The following TMEM74B variants were observed in gnomAD, a reference collection of about 807,000 sequenced individuals.
TMEM74B encodes transmembrane protein 74B, also known as transmembrane protein C20orf46.
Under a neutral mutation model 6.5 loss-of-function variants are expected in TMEM74B, and 7 were observed. The observed-to-expected ratio is 1.07, with a 90% CI of 0.61 to 2.01. TMEM74B has a LOEUF of 2.01. Among genes scored for constraint, TMEM74B ranks in the 30% most tolerant of loss-of-function variants. The probability of loss-of-function intolerance (pLI) is 0.00; values close to 1 mark genes in which losing one functional copy is unlikely to be tolerated. For missense variants in TMEM74B, 342 were observed against 337.0 expected (o/e 1.01, Z -0.12); for synonymous variants, 151 against 151.6 (o/e 1.00, Z 0.03).
In TMEM74B at chr20:1,184,100, C is replaced by T; in HGVS notation, c.-147-152G>A. ...CAGAAGTGGCCCCCACCCACACCCT[C>T]AGCACCTTCCACCCAACTCAGCTCC... On this transcript the variant is annotated intron_variant, in intron 1 of 2. Transcript: ENST00000429036. This position sits in a 1 kb window ranked among gnomAD's most constrained non-coding sequence, Gnocchi z 6.0. The T allele has an allele frequency of 2.8e-6, 1 of 353,688 alleles. No homozygotes were observed. The highest frequency in any genetic ancestry group is 6.0e-5 in the East Asian group (1 of 16,538). The allele number at this position is 353,688 out of a possible 1,614,324, so 21.9% of individuals were successfully genotyped here.
intron 2 of TMEM74B, among the ~76,000 whole-genome samples, chr20:1,183,508 T>C (rs948905033): frequency 5.3e-5 from 8 of 152,166 alleles, no homozygotes; most frequent in Non-Finnish European, 1.0e-4. Flanking sequence ...TACAAAGCTC[T>C]TTTCCCTTTA....
Position 1,184,916 on chromosome 20 carries a change from G to C in TMEM74B, c.-762C>G, listed in dbSNP as rs984359935. ...AGCACGCCGGCTGCCCACCGCGCCC[G>C]CTCCCGCCGGCCCAGTCCACACCCC... On this transcript the variant is annotated 5_prime_UTR_variant, in exon 1 of 3. Coordinates refer to ENST00000429036, the MANE Select transcript of TMEM74B (RefSeq NM_001304748.2). The surrounding 1 kb of genome is among the most constrained non-coding windows in gnomAD (Gnocchi z 6.0). 5.3e-5 allele frequency among the ~76,000 whole-genome samples: 8 copies of C among 152,268 alleles called. No homozygotes were observed. The highest frequency in any genetic ancestry group is 2.0e-4 in the Admixed American group (3 of 15,300).
rs1334551472 is a variant in TMEM74B, at chr20:1,184,651, CACACA to C, written c.-502_-498del. 1.4e-5 allele frequency: 2 copies of C among 146,428 alleles called. No individual in the cohort carries two copies. Among genetic ancestry groups the C allele is most frequent in the East Asian group, 2.0e-4 (1 of 4,934 alleles). 9.1% of individuals were successfully genotyped at this position (146,428 alleles called of 1,614,324 possible). ...ACACACACACACACACACACACACA[CACACA>C]AAGTGCCCCTGGGAGTGAGACCCAA... On this transcript the variant is annotated 5_prime_UTR_variant, in exon 1 of 3. Coordinates refer to ENST00000429036, the MANE Select transcript of TMEM74B (RefSeq NM_001304748.2). This position sits in a 1 kb window ranked among gnomAD's most constrained non-coding sequence, Gnocchi z 6.0.
upstream of TMEM74B, among the ~76,000 whole-genome samples, chr20:1,188,776 AC>A (rs2087047536): frequency 1.3e-5 from 2 of 152,356 alleles, no homozygotes; most frequent in Admixed American, 1.3e-4. Context: ...TTGGACTGTA[AC>A]AAAAAGTATG....
chr20:1,187,315 G>GT (rs1212096481), upstream of TMEM74B, among the ~76,000 whole-genome samples: 2 of 152,126 alleles, frequency 1.3e-5, no homozygotes, highest in African/African-American at 2.4e-5. Flanking sequence ...AAAGAAGAGG[G>GT]TTTTTGCCTG....
At chr20:1,188,724 C>G (rs115571375), upstream of TMEM74B, among the ~76,000 whole-genome samples, 1,247 of 151,972 alleles carry the variant, frequency 8.2e-3, 13 homozygotes, top group African/African-American at 0.028. Context: ...TCCCAATGGC[C>G]AAAGCTGGAA....
At chr20:1,182,760 C>T (rs916014510) in intron 2 of TMEM74B, among the ~76,000 whole-genome samples, 5 of 152,280 alleles carry the variant, frequency 3.3e-5, no homozygotes, top group Admixed American at 1.3e-4. Flanking sequence ...TGTGCATTCC[C>T]GCTGAAGGAT....
Position 1,184,087 on chromosome 20 carries a change from C to A in TMEM74B, c.-147-139G>T, listed in dbSNP as rs916235811. ...CCACATGGGTGCTCAGAAGTGGCCCCCACCCACACCCTCAGCACCTTCCAC... is the reference window on the plus strand; with the variant it reads ...CCACATGGGTGCTCAGAAGTGGCCCACACCCACACCCTCAGCACCTTCCAC... On this transcript the variant is annotated intron_variant, in intron 1 of 2. Transcript: ENST00000429036. The surrounding 1 kb of genome is among the most constrained non-coding windows in gnomAD (Gnocchi z 6.0). 3 of 396,728 alleles carry A rather than the reference C, an allele frequency of 7.6e-6. No individual in the cohort carries two copies. The highest frequency in any genetic ancestry group is 6.2e-5 in the African/African-American group (3 of 48,326). The allele number at this position is 396,728 out of a possible 1,614,324, so 24.6% of individuals were successfully genotyped here. A position where few individuals can be genotyped will look rare whatever the true frequency, so the allele number is the denominator to read the frequency against.
chr20:1,188,658 T>TAC (rs538654272), upstream of TMEM74B, among the ~76,000 whole-genome samples: 113 of 145,060 alleles, frequency 7.8e-4, 2 homozygotes, highest in East Asian at 0.017. Context: ...CCACACACAC[T>TAC]ACACACACAC....
At position 1,181,016 on chromosome 20, in the gene TMEM74B, C is replaced by G; in HGVS notation, c.603G>C (p.Lys201Asn). The G allele has an allele frequency of 6.2e-7, 1 of 1,613,964 alleles. No individual in the cohort carries two copies. Among genetic ancestry groups the G allele is most frequent in the Non-Finnish European group, 8.5e-7 (1 of 1,179,978 alleles). ...AGGTCCTCCGGCGGTACAGCTCGCCCTTGCACAGGGAGACCATGAGCAGCA... is the reference window on the plus strand; with the variant it reads ...AGGTCCTCCGGCGGTACAGCTCGCCGTTGCACAGGGAGACCATGAGCAGCA... ...LSVLLMVSLCKGELYRRRTFV... is the reference protein window; with the variant it reads ...LSVLLMVSLCNGELYRRRTFV... Residue 201 changes from lysine to asparagine, a missense_variant, in exon 3 of 3, where the codon AAG becomes AAC. Transcript: ENST00000429036. This position sits in a 1 kb window ranked among gnomAD's most constrained non-coding sequence, Gnocchi z 4.9.
At chr20:1,183,215 A>C (rs1455154905) in intron 2 of TMEM74B, among the ~76,000 whole-genome samples, 3 of 152,176 alleles carry the variant, frequency 2.0e-5, no homozygotes, top group Non-Finnish European at 4.4e-5. Flanking sequence ...GTCTACGCAC[A>C]CATACATGCA....
rs1318518937 is a variant in TMEM74B at position 1,184,507 on chromosome 20, A to G, written c.-353T>C. On this transcript the variant is annotated 5_prime_UTR_variant, in exon 1 of 3. Coordinates refer to ENST00000429036, the MANE Select transcript of TMEM74B (RefSeq NM_001304748.2). This position sits in a 1 kb window ranked among gnomAD's most constrained non-coding sequence, Gnocchi z 6.0. ...CCTGAAAGGAACACTCCAGTTCCACACACACTCCCCCAGCAGCTGTTCCCA... is the reference window on the plus strand; with the variant it reads ...CCTGAAAGGAACACTCCAGTTCCACGCACACTCCCCCAGCAGCTGTTCCCA... 1 of 152,444 alleles carries G rather than the reference A, an allele frequency of 6.6e-6. No homozygotes were observed. The highest frequency in any genetic ancestry group is 2.4e-5 in the African/African-American group (1 of 41,384). The allele number at this position is 152,444 out of a possible 1,614,324, so 9.4% of individuals were successfully genotyped here. A position where few individuals can be genotyped will look rare whatever the true frequency, so the allele number is the denominator to read the frequency against.
upstream of TMEM74B, among the ~76,000 whole-genome samples, chr20:1,187,789 A>G (rs903031243): frequency 2.6e-5 from 4 of 152,222 alleles, no homozygotes; most frequent in African/African-American, 9.7e-5. Flanking sequence ...CCTGATAAGG[A>G]ACCTGGTAGG....
rs774251029 is a variant in TMEM74B at position 1,181,065 on chromosome 20, G to A, written c.554C>T (p.Thr185Met). The part of the protein sequence containing the change: ...RCIIAGLGLL[T>M]VGGMLLSVLL... ...CACCGACAAGAGCATGCCGCCCACC[G>A]TGAGCAGCCCGAGGCCTGCGATGAT... The change falls in exon 3 of 3, where the codon ACG becomes ATG. Residue 185 changes from threonine to methionine, a missense_variant. Physicochemically the swap from Thr to Met is moderately conservative, Grantham distance 81. Coordinates refer to ENST00000429036, the MANE Select transcript of TMEM74B (RefSeq NM_001304748.2). This position sits in a 1 kb window ranked among gnomAD's most constrained non-coding sequence, Gnocchi z 4.9. The A allele has an allele frequency of 4.7e-5, 76 of 1,613,526 alleles. No individual in the cohort carries two copies. The highest frequency in any genetic ancestry group is 1.6e-4 in the Middle Eastern group (1 of 6,078).
In TMEM74B at chr20:1,184,725, C is replaced by G. The variant is rs1418482193; in HGVS notation, c.-571G>C. 1 of 152,488 alleles carries G rather than the reference C, an allele frequency of 6.6e-6. No individual in the cohort carries two copies. Among genetic ancestry groups the G allele is most frequent in the African/African-American group, 2.4e-5 (1 of 41,462 alleles). The allele number at this position is 152,488 out of a possible 1,614,324, so 9.4% of individuals were successfully genotyped here. ...CGCAGGGGCCCAATACCCCACCCGCCGCGCGCACTGACACCCGGAGAGAGG... is the reference window on the plus strand; with the variant it reads ...CGCAGGGGCCCAATACCCCACCCGCGGCGCGCACTGACACCCGGAGAGAGG... On this transcript the variant is annotated 5_prime_UTR_variant, in exon 1 of 3. Transcript: ENST00000429036. This position sits in a 1 kb window ranked among gnomAD's most constrained non-coding sequence, Gnocchi z 6.0.
chr20:1,184,005 T>C lies in TMEM74B; in HGVS notation c.-147-57A>G. ...TGTTTGTTGGTTGGCTTTTTACTCTTAGCACCAAAAACATTTTCCTGAGTG... is the reference window on the plus strand; with the variant it reads ...TGTTTGTTGGTTGGCTTTTTACTCTCAGCACCAAAAACATTTTCCTGAGTG... On this transcript the variant is annotated intron_variant, in intron 1 of 2. Transcript: ENST00000429036. This position sits in a 1 kb window ranked among gnomAD's most constrained non-coding sequence, Gnocchi z 6.0. 1 of 564,402 alleles carries C rather than the reference T, an allele frequency of 1.8e-6. No homozygotes were observed. Among genetic ancestry groups the C allele is most frequent in the Non-Finnish European group, 3.1e-6 (1 of 324,060 alleles). 35.0% of individuals were successfully genotyped at this position (564,402 alleles called of 1,614,324 possible).
chr20:1,186,212 G>A (rs1405664668), upstream of TMEM74B: 2 of 152,322 alleles, frequency 1.3e-5, no homozygotes, highest in Non-Finnish European at 2.9e-5. Context: ...TTTGTTTAAG[G>A]GTCAGCCTCC....
rs142426866 is a variant in TMEM74B, at chr20:1,181,196, G to A, written c.423C>T (p.Tyr141=). The change falls in exon 3 of 3, where the codon TAC becomes TAT. Residue 141 remains tyrosine, a synonymous_variant. Transcript: ENST00000429036. This position sits in a 1 kb window ranked among gnomAD's most constrained non-coding sequence, Gnocchi z 4.9. ...VSGILLVVTA[Y]AIPREARVNP... ...TGACTCGAGCCTCACGGGGGATGGC[G>A]TATGCTGTCACCACCAGAAGAATCC... The A allele has an allele frequency of 2.1e-5, 34 of 1,614,064 alleles. No homozygotes were observed. The highest frequency in any genetic ancestry group is 1.2e-4 in the African/African-American group (9 of 74,916).
upstream of TMEM74B, among the ~76,000 whole-genome samples, chr20:1,187,191 T>C (rs1157136340): frequency 6.6e-6 from 1 of 152,168 alleles, no homozygotes; most frequent in African/African-American, 2.4e-5. Context: ...CTTTCAAAAA[T>C]AGCAGTGCCC....
Sources: gnomAD v4.1 joint callset for allele counts (sites outside exome capture counted in the v4.1 genomes callset) on GRCh38, gnomAD v4.1.1 for gene constraint, Gnocchi (gnomAD v3.1) non-coding constraint, MANE v1.5 for transcripts, NCBI Gene and HGNC (gene_info 2026-07-23, HGNC 2026-07-21) for gene names.